ATP8A1: variants seen among roughly 807,000 people sequenced by gnomAD.
The protein encoded by ATP8A1 is ATPase phospholipid transporting 8A1, also known as phospholipid-transporting ATPase IA.
Under a neutral mutation model 177.7 loss-of-function variants are expected in ATP8A1, and 90 were observed. The ratio of observed to expected loss-of-function variants is 0.51; its 90% CI spans 0.43 to 0.60. The LOEUF is 0.60. Ranked by LOEUF, ATP8A1 falls within the 20% of genes least tolerant of loss-of-function variation. The pLI, the probability that ATP8A1 is intolerant of heterozygous loss-of-function variation, is 0.00. For synonymous variants in ATP8A1, 493 were observed against 485.9 expected, an observed-to-expected ratio of 1.01 and a Z score of -0.19; for missense variants, 1,072 against 1,392.8, an observed-to-expected ratio of 0.77 and a Z score of 3.67.
intron 18 of ATP8A1, among the ~76,000 whole-genome samples, chr4:42,550,264 G>T (rs1318595601): frequency 1.3e-5 from 2 of 149,098 alleles, no homozygotes; most frequent in African/African-American, 5.0e-5. Flanking sequence ...CATCCATGCT[G>T]TTGATGAATC....
intron 35 of ATP8A1, 26 bp downstream of exon 35, chr4:42,422,781 A>G (rs764520087): frequency 1.3e-6 from 2 of 1,557,480 alleles, no homozygotes; most frequent in South Asian, 1.1e-5. Context: ...TCATTTGGAA[A>G]AGAATATATT....
intron 1 of ATP8A1, among the ~76,000 whole-genome samples, chr4:42,635,300 A>G (rs561283917): frequency 2.6e-5 from 4 of 152,236 alleles, no homozygotes; most frequent in Admixed American, 2.0e-4. Context: ...AGTTTTTTGC[A>G]GACTCAACTT....
intron 20 of ATP8A1, among the ~76,000 whole-genome samples, chr4:42,541,142 A>C (rs1171682791): frequency 6.6e-6 from 1 of 152,170 alleles, no homozygotes; most frequent in African/African-American, 2.4e-5. Context: ...TAAATGAATA[A>C]ATGAATAAAT....
chr4:42,564,499 A>G (rs11736100), intron 15 of ATP8A1, among the ~76,000 whole-genome samples: 134,832 of 152,266 alleles, frequency 0.89, 60,130 homozygotes, highest in East Asian at 0.97. Flanking sequence ...GAGACATGGA[A>G]TCAAAGGGGA....
intron 5 of ATP8A1, among the ~76,000 whole-genome samples, chr4:42,605,251 C>T (rs1735680158): frequency 6.6e-6 from 1 of 152,128 alleles, no homozygotes; most frequent in Non-Finnish European, 1.5e-5. Context: ...ATAGACATCT[C>T]AGTTTTATAA....
chr4:42,581,605 T>C lies in ATP8A1; in HGVS notation c.834+16A>G. On this transcript the variant is annotated intron_variant, in intron 10 of 36. Transcript: ENST00000381668. ...AAAGCCTTAGGTCCAAAAGGTTTCATAGAGAAAAATTTCACCTGCATCAGC... is the reference window on the plus strand; with the variant it reads ...AAAGCCTTAGGTCCAAAAGGTTTCACAGAGAAAAATTTCACCTGCATCAGC... 3 of 1,591,746 alleles carry C rather than the reference T, an allele frequency of 1.9e-6. No homozygotes were observed. The highest frequency in any genetic ancestry group is 2.6e-6 in the Non-Finnish European group (3 of 1,159,650).
intron 22 of ATP8A1, among the ~76,000 whole-genome samples, chr4:42,519,342 C>T (rs899865076): frequency 1.3e-5 from 2 of 152,198 alleles, no homozygotes; most frequent in Admixed American, 6.5e-5. Flanking sequence ...GATCCTCCCA[C>T]CTTGGTCTCC....
intron 1 of ATP8A1, among the ~76,000 whole-genome samples, chr4:42,628,468 C>A (rs1482875301): frequency 1.3e-5 from 2 of 151,974 alleles, no homozygotes; most frequent in East Asian, 3.9e-4. Flanking sequence ...CCCAGAGGAC[C>A]CTGCGCTCTG....
chr4:42,495,894 G>C (rs1272868558), intron 24 of ATP8A1, among the ~76,000 whole-genome samples: 1 of 152,132 alleles, frequency 6.6e-6, no homozygotes, highest in African/African-American at 2.4e-5. Flanking sequence ...AAAATTCCAT[G>C]CTTTGCTAAT....
At chr4:42,614,629 G>A (rs868454935) in intron 5 of ATP8A1, among the ~76,000 whole-genome samples, 2 of 152,020 alleles carry the variant, frequency 1.3e-5, no homozygotes, top group Admixed American at 6.6e-5. Flanking sequence ...CTTCAACAGC[G>A]ACTCAATATC....
rs1317923012 is a variant in ATP8A1 at position 42,424,861 on chromosome 4, C to T, written c.3124-1156G>A. On this transcript the variant is annotated intron_variant, in intron 33 of 36. Coordinates refer to ENST00000381668, the MANE Select transcript of ATP8A1 (RefSeq NM_006095.2). ...TGAATACTTTTAAAATAAAAACATG[C>T]TATTACAAAAAATTCCAGAAAATAA... Among the ~76,000 whole-genome samples, 3 of 152,242 alleles carry T rather than the reference C, an allele frequency of 2.0e-5. No individual in the cohort carries two copies. The South Asian group carries it at 6.2e-4, about 32-fold the overall frequency.
chr4:42,577,825 A>G (rs938522022), intron 12 of ATP8A1, among the ~76,000 whole-genome samples: 1 of 152,160 alleles, frequency 6.6e-6, no homozygotes, highest in African/African-American at 2.4e-5. Flanking sequence ...GTGATTGATT[A>G]TTTTCAAAGC....
chr4:42,507,717 G>A (rs112951148), intron 22 of ATP8A1, among the ~76,000 whole-genome samples: 127 of 90,908 alleles, frequency 1.4e-3, no homozygotes, highest in African/African-American at 5.2e-3. Flanking sequence ...GCAAGAGAGC[G>A]AGACTCCATC....
At chr4:42,633,065 C>T (rs993596189) in intron 1 of ATP8A1, among the ~76,000 whole-genome samples, 1 of 152,198 alleles carries the variant, frequency 6.6e-6, no homozygotes, top group Non-Finnish European at 1.5e-5. Context: ...CAACAGTTGC[C>T]TTCCTTAATC....
intron 20 of ATP8A1, among the ~76,000 whole-genome samples, chr4:42,536,882 G>A (rs1441088496): frequency 6.6e-6 from 1 of 152,048 alleles, no homozygotes; most frequent in Non-Finnish European, 1.5e-5. Context: ...ATCCCAGCCA[G>A]CACTTTGGGA....
At chr4:42,643,124 C>G (rs1740174506) in intron 1 of ATP8A1, among the ~76,000 whole-genome samples, 1 of 152,192 alleles carries the variant, frequency 6.6e-6, no homozygotes, top group Admixed American at 6.5e-5. Context: ...GCAAAAAGTC[C>G]TGGCAATGTA....
chr4:42,629,973 G>A (rs1344858526), intron 1 of ATP8A1, among the ~76,000 whole-genome samples: 1 of 152,152 alleles, frequency 6.6e-6, no homozygotes, highest in Non-Finnish European at 1.5e-5. Context: ...CTTTGAGGAA[G>A]GTAGGTAGCA....
At chr4:42,454,995 C>T (rs1476265258) in intron 29 of ATP8A1, among the ~76,000 whole-genome samples, 1 of 152,120 alleles carries the variant, frequency 6.6e-6, no homozygotes, top group African/African-American at 2.4e-5. Flanking sequence ...GACAGAAGGC[C>T]AGAGAACCAA....
At chr4:42,548,719 T>C (rs2153209493) in intron 19 of ATP8A1, among the ~76,000 whole-genome samples, 1 of 152,290 alleles carries the variant, frequency 6.6e-6, no homozygotes, top group African/African-American at 2.4e-5. Context: ...TCACACATCC[T>C]TCCCAGCCTC....
Sources: allele counts gnomAD v4.1 joint callset (sites outside exome capture counted in the v4.1 genomes callset), GRCh38; gene constraint gnomAD v4.1.1; transcripts MANE v1.5; gene names NCBI Gene and HGNC (gene_info 2026-07-23, HGNC 2026-07-21).